AK8: variants seen among roughly 807,000 people sequenced by gnomAD.
AK8 encodes ATP-AMP transphosphorylase 8.
In AK8, 44 loss-of-function variants were observed where a neutral mutation model predicts 54.6. The observed-to-expected ratio is 0.81, with a 90% CI of 0.63 to 1.04. The LOEUF (loss-of-function observed/expected upper bound fraction) is 1.04, where lower values mean the gene tolerates loss of function less well. AK8 is among the 50% of genes least tolerant of loss of function. The pLI, the probability that AK8 is intolerant of heterozygous loss-of-function variation, is 0.00. For missense variants in AK8, 555 were observed against 613.6 expected (o/e 0.90, Z 1.01); for synonymous variants, 239 against 245.6 (o/e 0.97, Z 0.25).
chr9:132,848,647 T>C (rs1352541579), intron 5 of AK8, among the ~76,000 whole-genome samples: 2 of 152,200 alleles, frequency 1.3e-5, no homozygotes, highest in Admixed American at 1.3e-4. Context: ...GCCTTGGTCA[T>C]GTTTGACTCT....
chr9:132,842,920 A>G (rs1040257706), intron 5 of AK8, among the ~76,000 whole-genome samples: 7 of 152,232 alleles, frequency 4.6e-5, no homozygotes, highest in Admixed American at 4.6e-4. Context: ...ACATAGCTGC[A>G]TACTTCATCA....
rs1259275958 is a variant in AK8, at chr9:132,812,874, C to T, written c.979+1764G>A. Among the ~76,000 whole-genome samples, 3 of 140,470 alleles carry T rather than the reference C, an allele frequency of 2.1e-5. No individual in the cohort carries two copies. The South Asian group carries it at 7.0e-4, about 33-fold the overall frequency. The allele number at this position is 140,470 out of a possible 152,430, so 92.2% of individuals were successfully genotyped here. ...CACCCAGGACCAGACCCACTCACTG[C>T]CCTGAGCCTACACAGATCACCTCAT... On this transcript the variant is annotated intron_variant, in intron 10 of 12. Coordinates refer to ENST00000298545, the MANE Select transcript of AK8 (RefSeq NM_152572.3).
Position 132,798,190 on chromosome 9 carries a change from G to C in AK8, c.980-5415C>G, listed in dbSNP as rs552440523. Among the ~76,000 whole-genome samples the C allele has an allele frequency of 5.1e-4, 78 of 152,268 alleles. 1 individual carries two copies. The South Asian group carries it at 0.016, about 30-fold the overall frequency. On this transcript the variant is annotated intron_variant, in intron 10 of 12. Coordinates refer to ENST00000298545, the MANE Select transcript of AK8 (RefSeq NM_152572.3). ...CAGCATCTCTCCTCAGTGGCAGCAC[G>C]CAGGGTTGAGGAGTGAGGGGTGAAC...
intron 11 of AK8, among the ~76,000 whole-genome samples, chr9:132,775,912 G>T (rs570968584): frequency 1.3e-5 from 2 of 152,322 alleles, no homozygotes; most frequent in South Asian, 4.1e-4. Context: ...AGAGTTCACA[G>T]GTTATGTACA....
chr9:132,867,404 C>T (rs1403862380), intron 2 of AK8, among the ~76,000 whole-genome samples: 1 of 152,220 alleles, frequency 6.6e-6, no homozygotes, highest in Non-Finnish European at 1.5e-5. Flanking sequence ...ATGGGAAAAG[C>T]CTGGAGTGTA....
chr9:132,864,338 G>T (rs1843505839), intron 3 of AK8, among the ~76,000 whole-genome samples: 1 of 152,194 alleles, frequency 6.6e-6, no homozygotes, highest in African/African-American at 2.4e-5. Context: ...TGGTTCTGAA[G>T]GCCCTTCCAG....
chr9:132,790,444 G>A lies in AK8; in HGVS notation c.1121+2190C>T, dbSNP rs1178047833. Among the ~76,000 whole-genome samples the A allele has an allele frequency of 6.6e-6, 1 of 152,086 alleles. No homozygotes were observed. The highest frequency in any genetic ancestry group is 1.5e-5 in the Non-Finnish European group (1 of 68,022). Reference sequence around the variant, plus strand: ...TTTTTGTATTTTTTAGTAGAGACGGGTTTCACCATGTTAGCCAGGATGGTC... The same window carrying A: ...TTTTTGTATTTTTTAGTAGAGACGGATTTCACCATGTTAGCCAGGATGGTC... On this transcript the variant is annotated intron_variant, in intron 11 of 12. Transcript: ENST00000298545. The surrounding 1 kb of genome is among the most constrained non-coding windows in gnomAD (Gnocchi z 4.1).
At chr9:132,802,317 G>A (rs1840497205) in intron 10 of AK8, among the ~76,000 whole-genome samples, 1 of 152,220 alleles carries the variant, frequency 6.6e-6, no homozygotes, top group South Asian at 2.1e-4. Flanking sequence ...TCCCAGGGCA[G>A]GGGGCGGGAG....
chr9:132,827,543 C>T (rs1268502608), intron 7 of AK8: 6 of 208,834 alleles, frequency 2.9e-5, no homozygotes, highest in Non-Finnish European at 5.8e-5. Context: ...CCCACCCTCC[C>T]GCCAGCCCCT....
chr9:132,784,463 G>C (rs1214366214), intron 11 of AK8, among the ~76,000 whole-genome samples: 1 of 152,166 alleles, frequency 6.6e-6, no homozygotes. Flanking sequence ...AGGTTGCAGG[G>C]AGCTGAGATT....
intron 11 of AK8, among the ~76,000 whole-genome samples, chr9:132,740,139 C>T (rs927763291): frequency 2.0e-5 from 3 of 152,254 alleles, no homozygotes; most frequent in African/African-American, 7.2e-5. Context: ...GCCCCTGCCA[C>T]AGCAGCCCCC....
rs575751099 is a variant in AK8, at chr9:132,790,568, C to T, written c.1121+2066G>A. 4.6e-5 allele frequency among the ~76,000 whole-genome samples: 7 copies of T among 152,250 alleles called. No individual in the cohort carries two copies. In the South Asian group the frequency reaches 1.5e-3, roughly 32 times the overall value. On this transcript the variant is annotated intron_variant, in intron 11 of 12. Transcript: ENST00000298545. The surrounding 1 kb of genome is among the most constrained non-coding windows in gnomAD (Gnocchi z 4.1). ...CCCGGCCAACTTCTTTAACTTCATA[C>T]AAATTGTATGCACTTCAAACCAAAA...
At chr9:132,821,870 T>C (rs973897272) in intron 9 of AK8, among the ~76,000 whole-genome samples, 5 of 26,316 alleles carry the variant, frequency 1.9e-4, no homozygotes, top group African/African-American at 6.4e-4. Flanking sequence ...TATATGTGTA[T>C]GTATATACAA....
chr9:132,739,445 A>AAG, intron 11 of AK8, among the ~76,000 whole-genome samples: 1 of 73,008 alleles, frequency 1.4e-5, no homozygotes, highest in Non-Finnish European at 2.9e-5. Flanking sequence ...CTGTCTCAAA[A>AAG]AAAAAAAAAA....
At chr9:132,834,814 G>T (rs910660004) in intron 5 of AK8, among the ~76,000 whole-genome samples, 10 of 151,678 alleles carry the variant, frequency 6.6e-5, no homozygotes, top group Non-Finnish European at 1.0e-4. Flanking sequence ...ACAGGCCAAT[G>T]ATCTCTAGGA....
At chr9:132,843,036 T>G (rs999248119) in intron 5 of AK8, among the ~76,000 whole-genome samples, 3 of 152,218 alleles carry the variant, frequency 2.0e-5, no homozygotes, top group Non-Finnish European at 4.4e-5. Context: ...CAGCTGGTCC[T>G]GCCCCCACTC....
intron 7 of AK8, chr9:132,827,764 C>G (rs900571055): frequency 2.0e-6 from 1 of 507,454 alleles, no homozygotes; most frequent in Non-Finnish European, 3.5e-6. Context: ...GGCATGACCC[C>G]CCACACTCTA....
chr9:132,826,868 T>A lies in AK8; in HGVS notation c.743A>T (p.Asp248Val), dbSNP rs1841889826. Residue 248 changes from aspartate to valine, a missense_variant, in exon 8 of 13, where the codon GAC becomes GTC. Transcript: ENST00000298545. This position sits in a 1 kb window ranked among gnomAD's most constrained non-coding sequence, Gnocchi z 4.5. ...KVISADQPCV[D>V]VFYQALTYVQ... ...CTTGTGTTTACCCTGGTAGAAGACG[T>A]CCACACATGGCTGGTCAGCACTGAT... 1 of 1,614,106 alleles carries A rather than the reference T, an allele frequency of 6.2e-7. No homozygotes were observed.
rs1843624681 is a variant in AK8 at position 132,866,942 on chromosome 9, C to T, written c.181G>A (p.Val61Ile). The change falls in exon 3 of 13, where the codon GTA becomes ATA. Residue 61 changes from valine (V) to isoleucine (I), a missense_variant. Physicochemically the swap from Val to Ile is conservative, Grantham distance 29 (BLOSUM62 3). Coordinates refer to ENST00000298545, the MANE Select transcript of AK8 (RefSeq NM_152572.3). Reference sequence around the variant, plus strand: ...CCTGAGGCGGGTGGACCTAATATTACAATCCTGGGCACTGTGGAATAAAAA... The same window carrying T: ...CCTGAGGCGGGTGGACCTAATATTATAATCCTGGGCACTGTGGAATAAAAA... ...HRDNDNVPRI[V>I]ILGPPASGKT... 3 of 1,614,078 alleles carry T rather than the reference C, an allele frequency of 1.9e-6. No homozygotes were observed. In the East Asian group the frequency reaches 6.7e-5, roughly 36 times the overall value.
Sources: allele counts gnomAD v4.1 joint callset (sites outside exome capture counted in the v4.1 genomes callset), GRCh38; gene constraint gnomAD v4.1.1; non-coding constraint Gnocchi (gnomAD v3.1); transcripts MANE v1.5; gene names NCBI Gene and HGNC (gene_info 2026-07-23, HGNC 2026-07-21).